Variants in EDIL3 observed in about 807,000 individuals in gnomAD.
EDIL3 encodes the protein EGF like and discoidin domains 3, also known as EGF-like repeat and discoidin I-like domain-containing protein 3.
A neutral mutation model predicts 67.4 loss-of-function variants in EDIL3; 37 were observed. The observed-to-expected ratio is 0.55, with a 90% CI of 0.42 to 0.72. EDIL3 has a LOEUF of 0.72. Ranked by LOEUF, EDIL3 falls within the 30% of genes least tolerant of loss-of-function variation. EDIL3 has a pLI of 0.00. For missense variants in EDIL3, 527 were observed against 586.3 expected (o/e 0.90, Z 1.04); for synonymous variants, 195 against 196.3 (o/e 0.99, Z 0.05).
chr5:84,181,462 A>G (rs142824504), intron 3 of EDIL3, among the ~76,000 whole-genome samples: 42 of 152,322 alleles, frequency 2.8e-4, no homozygotes, highest in South Asian at 8.3e-4. Context: ...AGGTGCCCCA[A>G]TGGTGTGGCT....
intron 9 of EDIL3, among the ~76,000 whole-genome samples, chr5:83,991,348 C>G (rs921331229): frequency 6.6e-6 from 1 of 152,064 alleles, no homozygotes; most frequent in Non-Finnish European, 1.5e-5. Flanking sequence ...ATAGTTAAAT[C>G]TTTTTTAATT....
intron 1 of EDIL3, among the ~76,000 whole-genome samples, chr5:84,334,743 A>C (rs1746951651): frequency 6.6e-6 from 1 of 152,260 alleles, no homozygotes; most frequent in African/African-American, 2.4e-5. Flanking sequence ...TTTGCCTCAA[A>C]TATTATTTTC....
At chr5:84,215,551 T>C (rs1420274370) in intron 3 of EDIL3, among the ~76,000 whole-genome samples, 1 of 152,120 alleles carries the variant, frequency 6.6e-6, no homozygotes, top group African/African-American at 2.4e-5. Context: ...CACGCCCAGT[T>C]AAGATGGGCA....
chr5:84,064,360 A>T (rs947153141), intron 8 of EDIL3, among the ~76,000 whole-genome samples: 2 of 152,132 alleles, frequency 1.3e-5, no homozygotes, highest in Non-Finnish European at 2.9e-5. Context: ...TCCAGTTTTT[A>T]CTAAACTTTT....
At chr5:84,276,726 G>A (rs1745589320) in intron 1 of EDIL3, among the ~76,000 whole-genome samples, 1 of 151,706 alleles carries the variant, frequency 6.6e-6, no homozygotes, top group Non-Finnish European at 1.5e-5. Flanking sequence ...ACACCACCAC[G>A]CTCGGCTAAA....
chr5:84,191,877 CATT>C (rs1232404819), intron 3 of EDIL3, among the ~76,000 whole-genome samples: 3 of 151,968 alleles, frequency 2.0e-5, no homozygotes, highest in Non-Finnish European at 2.9e-5. Context: ...TCTACTGTCT[CATT>C]ATGTGTATAT....
intron 2 of EDIL3, among the ~76,000 whole-genome samples, chr5:84,244,183 A>G (rs1744860649): frequency 6.6e-6 from 1 of 152,216 alleles, no homozygotes; most frequent in Non-Finnish European, 1.5e-5. Flanking sequence ...TGATTCTAGC[A>G]CATAGGAGAT....
At position 84,266,524 on chromosome 5, in the gene EDIL3, G is replaced by A. The variant is rs571036956; in HGVS notation, c.68-12312C>T. On this transcript the variant is annotated intron_variant, in intron 1 of 10. Transcript: ENST00000296591. ...TGCGTGCAGTTTAGTATCATCTTGG[G>A]TACAGGGCTTCAAGTTATATAAAAC... Among the ~76,000 whole-genome samples the A allele has an allele frequency of 6.4e-4, 97 of 152,236 alleles. 2 individuals are homozygous for A. In the Middle Eastern group the frequency reaches 0.017, roughly 27 times the overall value.
rs142486180 is a variant in EDIL3 at position 84,026,009 on chromosome 5, T to TA, written c.1137+34290dup. ...AAAATATGACATAAATTTGGTTTCATAAAAAAAATTCTGTTACCTTGCTAC... is the reference window on the plus strand; with the variant it reads ...AAAATATGACATAAATTTGGTTTCATAAAAAAAAATTCTGTTACCTTGCTAC... On this transcript the variant is annotated intron_variant, in intron 9 of 10. Transcript: ENST00000296591. 7.7e-3 allele frequency among the ~76,000 whole-genome samples: 1,167 copies of TA among 152,138 alleles called. 36 individuals are homozygous for TA. Among genetic ancestry groups the TA allele is most frequent in the East Asian group, 0.074 (385 of 5,178 alleles).
chr5:84,003,416 G>T (rs771125660), intron 9 of EDIL3, among the ~76,000 whole-genome samples: 2 of 152,158 alleles, frequency 1.3e-5, no homozygotes, highest in Non-Finnish European at 2.9e-5. Context: ...CCAAGCTAAG[G>T]TCTATGGCCA....
chr5:84,344,707 T>C (rs1747201904), intron 1 of EDIL3, among the ~76,000 whole-genome samples: 2 of 152,144 alleles, frequency 1.3e-5, no homozygotes, highest in Non-Finnish European at 1.5e-5. Context: ...TTTTGACATA[T>C]TGGATTAAAT....
At chr5:84,014,567 C>G (rs1244916309) in intron 9 of EDIL3, among the ~76,000 whole-genome samples, 1 of 152,132 alleles carries the variant, frequency 6.6e-6, no homozygotes, top group Non-Finnish European at 1.5e-5. Flanking sequence ...ATCGCTTGAA[C>G]CCAAGAGGCA....
At chr5:84,311,069 T>C (rs1232347201) in intron 1 of EDIL3, among the ~76,000 whole-genome samples, 1 of 152,194 alleles carries the variant, frequency 6.6e-6, no homozygotes, top group Non-Finnish European at 1.5e-5. Context: ...TTCTGTATTT[T>C]CTTGATGAAT....
At chr5:84,367,544 G>C (rs181890492) in intron 1 of EDIL3, among the ~76,000 whole-genome samples, 3 of 152,354 alleles carry the variant, frequency 2.0e-5, no homozygotes, top group African/African-American at 7.2e-5. Flanking sequence ...CACTTTGGGA[G>C]GCTGAGGCAG....
At chr5:84,262,833 G>A (rs2112086551) in intron 1 of EDIL3, among the ~76,000 whole-genome samples, 1 of 151,710 alleles carries the variant, frequency 6.6e-6, no homozygotes, top group South Asian at 2.1e-4. Flanking sequence ...TTTATGCTCA[G>A]CTAATTTTTT....
intron 9 of EDIL3, among the ~76,000 whole-genome samples, chr5:83,999,719 A>T (rs1217397134): frequency 6.6e-6 from 1 of 152,164 alleles, no homozygotes; most frequent in Non-Finnish European, 1.5e-5. Flanking sequence ...TAGGAGTAGA[A>T]AGTTTATTCA....
Position 84,036,509 on chromosome 5 carries a change from T to C in EDIL3, c.1137+23791A>G, listed in dbSNP as rs117630079. On this transcript the variant is annotated intron_variant, in intron 9 of 10. Coordinates refer to ENST00000296591, the MANE Select transcript of EDIL3 (RefSeq NM_005711.5). Reference sequence around the variant, plus strand: ...AGTTAGTGACAAAGTTGAACCTTTCTAAACAGCAAAGTCAAACCTTTCTAA... The same window carrying C: ...AGTTAGTGACAAAGTTGAACCTTTCCAAACAGCAAAGTCAAACCTTTCTAA... 3.2e-4 allele frequency among the ~76,000 whole-genome samples: 48 copies of C among 152,302 alleles called. 3 individuals carry two copies. The East Asian group carries it at 9.1e-3, about 29-fold the overall frequency.
intron 9 of EDIL3, among the ~76,000 whole-genome samples, chr5:84,010,888 A>G (rs73145938): frequency 0.018 from 2,689 of 152,220 alleles, 85 homozygotes; most frequent in African/African-American, 0.055. Context: ...TGGAAAACAG[A>G]CCTAGACTTC....
At chr5:84,199,472 A>G (rs1004798565) in intron 3 of EDIL3, among the ~76,000 whole-genome samples, 9 of 151,924 alleles carry the variant, frequency 5.9e-5, no homozygotes, top group Non-Finnish European at 1.2e-4. Flanking sequence ...GTCACTATTA[A>G]CCAAAAGCAG....
Sources: allele counts gnomAD v4.1 joint callset (sites outside exome capture counted in the v4.1 genomes callset), GRCh38; gene constraint gnomAD v4.1.1; transcripts MANE v1.5; gene names NCBI Gene and HGNC (gene_info 2026-07-23, HGNC 2026-07-21).